Variants in KLHDC1 observed in about 807,000 individuals in gnomAD.
KLHDC1 encodes the protein kelch domain-containing protein 1.
KLHDC1 carries 53 observed loss-of-function variants against 68.3 expected under a neutral mutation model. That is an observed-to-expected ratio of 0.78 (90% confidence interval 0.62 to 0.98). KLHDC1 has a LOEUF of 0.98. Among genes scored for constraint, KLHDC1 ranks in the 50% least tolerant of loss-of-function variants. The pLI is 0.00. For synonymous variants in KLHDC1, 148 were observed against 159.0 expected (o/e 0.93, Z 0.52); for missense variants, 470 against 492.3 (o/e 0.95, Z 0.43).
intron 12 of KLHDC1, among the ~76,000 whole-genome samples, chr14:49,748,682 G>A (rs1042804833): frequency 6.6e-6 from 1 of 151,708 alleles, no homozygotes; most frequent in Non-Finnish European, 1.5e-5. Context: ...GATATGAAAA[G>A]TATATAGTAA....
At chr14:49,693,327 G>T in intron 1 of KLHDC1, 37 bp downstream of exon 1, 2 of 1,379,184 alleles carry the variant, frequency 1.5e-6, no homozygotes, top group South Asian at 1.5e-5. Context: ...GACTCGCGCC[G>T]GGAGACCCTC....
chr14:49,735,044 T>C (rs2139761494), intron 10 of KLHDC1, among the ~76,000 whole-genome samples: 1 of 152,234 alleles, frequency 6.6e-6, no homozygotes, highest in Non-Finnish European at 1.5e-5. Context: ...GGAAGAGGTT[T>C]AAAGCAAGTT....
At chr14:49,739,050 C>T (rs1222873978) in intron 10 of KLHDC1, among the ~76,000 whole-genome samples, 2 of 152,140 alleles carry the variant, frequency 1.3e-5, no homozygotes. Flanking sequence ...GTAAGTGAGG[C>T]AAGTATAAAA....
At chr14:49,723,693 T>C (rs781671893) in intron 4 of KLHDC1, among the ~76,000 whole-genome samples, 181 bp from the exon 5 acceptor site, 4 of 152,196 alleles carry the variant, frequency 2.6e-5, no homozygotes, top group African/African-American at 7.2e-5. Flanking sequence ...TTCTTTCCCA[T>C]TGAGAGCTCA....
At chr14:49,719,442 T>A (rs987753624) in intron 4 of KLHDC1, among the ~76,000 whole-genome samples, 1 of 151,434 alleles carries the variant, frequency 6.6e-6, no homozygotes, top group Admixed American at 6.6e-5. Flanking sequence ...TTATATATAT[T>A]TTTTGAGACA....
intron 1 of KLHDC1, among the ~76,000 whole-genome samples, chr14:49,694,587 C>G (rs1043514400): frequency 6.6e-6 from 1 of 152,132 alleles, no homozygotes; most frequent in Admixed American, 6.5e-5. Context: ...GGCGCGGTGG[C>G]TCACACCCGT....
chr14:49,734,020 G>A (rs1888876700), intron 9 of KLHDC1, among the ~76,000 whole-genome samples: 1 of 152,106 alleles, frequency 6.6e-6, no homozygotes, highest in African/African-American at 2.4e-5. Context: ...ACTAACATCT[G>A]TACATTTCAC....
At chr14:49,742,516 A>G (rs976353968) in intron 11 of KLHDC1, among the ~76,000 whole-genome samples, 1 of 152,072 alleles carries the variant, frequency 6.6e-6, no homozygotes, top group Non-Finnish European at 1.5e-5. Flanking sequence ...ACTAAAAATT[A>G]CAAAAATTAG....
chr14:49,709,525 T>TC (rs906723418), intron 2 of KLHDC1, among the ~76,000 whole-genome samples, 184 bp from the exon 3 acceptor site: 9 of 152,252 alleles, frequency 5.9e-5, no homozygotes, highest in African/African-American at 2.2e-4. Context: ...TTTTTTTTTT[T>TC]CCTAGCAGAT....
intron 1 of KLHDC1, among the ~76,000 whole-genome samples, chr14:49,695,841 G>A (rs907748929): frequency 1.3e-5 from 2 of 152,220 alleles, no homozygotes; most frequent in East Asian, 1.9e-4. Flanking sequence ...GAGGCAGGCG[G>A]ATCACAAAGT....
chr14:49,695,727 G>A (rs1001454964), intron 1 of KLHDC1, among the ~76,000 whole-genome samples: 1 of 152,152 alleles, frequency 6.6e-6, no homozygotes, highest in Non-Finnish European at 1.5e-5. Flanking sequence ...GAAAGTCCTA[G>A]ATGGCATCCT....
At chr14:49,749,677 CAAAAAAAAAA>C (rs1191978580) in intron 12 of KLHDC1, among the ~76,000 whole-genome samples, 1 of 53,796 alleles carries the variant, frequency 1.9e-5, no homozygotes, top group Non-Finnish European at 4.0e-5. Flanking sequence ...GACTCCGTCT[CAAAAAAAAAA>C]AAAAAAAAAA....
At chr14:49,699,088 C>T (rs1887825921) in intron 1 of KLHDC1, among the ~76,000 whole-genome samples, 1 of 148,904 alleles carries the variant, frequency 6.7e-6, no homozygotes, top group Non-Finnish European at 1.5e-5. Flanking sequence ...CGCTTGATCC[C>T]AGAAGGCGGA....
intron 1 of KLHDC1, among the ~76,000 whole-genome samples, chr14:49,699,365 T>C (rs1400326809): frequency 6.9e-6 from 1 of 145,016 alleles, no homozygotes; most frequent in Non-Finnish European, 1.5e-5. Flanking sequence ...AAGGCATAAG[T>C]GGAAGGAAAG....
In KLHDC1 at chr14:49,751,589, A is replaced by C; in HGVS notation, c.1038A>C (p.Ser346=). 6.6e-7 allele frequency: 1 copy of C among 1,514,890 alleles called. No individual in the cohort carries two copies. Among genetic ancestry groups the C allele is most frequent in the Non-Finnish European group, 8.9e-7 (1 of 1,118,216 alleles). 93.8% of individuals were successfully genotyped at this position (1,514,890 alleles called of 1,614,324 possible). Residue 346 remains serine (S), a synonymous_variant, in exon 13 of 13, where the codon TCA becomes TCC. Coordinates refer to ENST00000359332, the MANE Select transcript of KLHDC1 (RefSeq NM_172193.3). ...TTCTGTTATGTTTTATTTACAGGTC[A>C]TGCCTTGACTGCATTGGTAAAAATT... is the stretch of plus-strand genomic sequence containing the variant. ...FQTQPYSLLR[S]CLDCIGKNSI...
chr14:49,695,550 G>C (rs1470468247), intron 1 of KLHDC1, among the ~76,000 whole-genome samples: 1 of 152,154 alleles, frequency 6.6e-6, no homozygotes, highest in Non-Finnish European at 1.5e-5. Flanking sequence ...TTCTTGTTCC[G>C]TTGTTAGAGC....
chr14:49,743,101 G>C (rs1198670924), intron 11 of KLHDC1, among the ~76,000 whole-genome samples: 5 of 127,452 alleles, frequency 3.9e-5, no homozygotes, highest in Admixed American at 8.5e-5. Flanking sequence ...AAAAAGGTTT[G>C]AAAACCACTA....
At chr14:49,713,833 TATA>T (rs1888288392) in intron 4 of KLHDC1, among the ~76,000 whole-genome samples, 263 of 15,580 alleles carry the variant, frequency 0.017, 75 homozygotes, top group Admixed American at 0.034. Flanking sequence ...TATATATATA[TATA>T]TATATATATA....
At chr14:49,713,819 TATATATATATATATATATATATA>T (rs1858934687) in intron 4 of KLHDC1, among the ~76,000 whole-genome samples, 10 of 2,812 alleles carry the variant, frequency 3.6e-3, no homozygotes, top group Non-Finnish European at 0.01. Context: ...TATATATATA[TATATATATATATATATATATATA>T]TATATATATT....
Sources: gnomAD v4.1 joint callset for allele counts (sites outside exome capture counted in the v4.1 genomes callset) on GRCh38, gnomAD v4.1.1 for gene constraint, MANE v1.5 for transcripts, NCBI Gene and HGNC (gene_info 2026-07-23, HGNC 2026-07-21) for gene names.